The following DCAF1 variants were observed in gnomAD, a reference collection of about 807,000 sequenced individuals.
DCAF1 encodes DDB1 and CUL4 associated factor 1.
Under a neutral mutation model 128.0 loss-of-function variants are expected in DCAF1, and 15 were observed. The observed-to-expected ratio is 0.12, with a 90% CI of 0.08 to 0.18. The LOEUF (loss-of-function observed/expected upper bound fraction) is 0.18, where lower values mean the gene tolerates loss of function less well. Among genes scored for constraint, DCAF1 ranks in the 10% least tolerant of loss-of-function variants. The pLI, the probability that DCAF1 is intolerant of heterozygous loss-of-function variation, is 1.00. For missense variants in DCAF1, 988 were observed against 1,649.5 expected (o/e 0.60, Z 6.95); for synonymous variants, 610 against 603.0 (o/e 1.01, Z -0.17).
intron 17 of DCAF1, among the ~76,000 whole-genome samples, chr3:51,417,216 G>A (rs558897400): frequency 3.3e-5 from 5 of 152,102 alleles, no homozygotes; most frequent in South Asian, 4.2e-4. Context: ...TCAGGAGTTC[G>A]AGACCACCCT....
At chr3:51,455,050 C>A in intron 6 of DCAF1, among the ~76,000 whole-genome samples, 1 of 152,186 alleles carries the variant, frequency 6.6e-6, no homozygotes, top group East Asian at 1.9e-4. Context: ...GTCTTCCTAA[C>A]ACTTACTCTT....
At chr3:51,504,303 TG>T (rs1226298146), upstream of DCAF1, among the ~76,000 whole-genome samples, 4 of 152,070 alleles carry the variant, frequency 2.6e-5, no homozygotes, top group African/African-American at 9.7e-5. Flanking sequence ...CCCAAAATGC[TG>T]GGATTACAGG....
At chr3:51,501,159 TA>T (rs1488139398), upstream of DCAF1, among the ~76,000 whole-genome samples, 2 of 152,214 alleles carry the variant, frequency 1.3e-5, no homozygotes, top group Admixed American at 6.5e-5. Context: ...AATCAATAGA[TA>T]CTTATTGCCA....
At chr3:51,471,853 G>C (rs1483890958) in intron 3 of DCAF1, among the ~76,000 whole-genome samples, 1 of 151,744 alleles carries the variant, frequency 6.6e-6, no homozygotes, top group Non-Finnish European at 1.5e-5. Flanking sequence ...CGGGCAACAA[G>C]AGTGAAACTC....
chr3:51,483,061 C>G (rs1706434738), intron 3 of DCAF1, among the ~76,000 whole-genome samples: 1 of 151,150 alleles, frequency 6.6e-6, no homozygotes, highest in Non-Finnish European at 1.5e-5. Context: ...ATTGCTTGAA[C>G]CCAGGAGGCG....
At chr3:51,410,290 C>T (rs188016709) in intron 23 of DCAF1, among the ~76,000 whole-genome samples, 87 of 152,334 alleles carry the variant, frequency 5.7e-4, no homozygotes, top group Middle Eastern at 3.4e-3. Flanking sequence ...TCTCGGGCCT[C>T]TAATAAAATG....
chr3:51,488,092 T>G (rs1445963429), intron 2 of DCAF1, among the ~76,000 whole-genome samples: 1 of 151,994 alleles, frequency 6.6e-6, no homozygotes, highest in Non-Finnish European at 1.5e-5. Flanking sequence ...CTTGAACTCC[T>G]GACCTCACAC....
At chr3:51,431,549 G>C (rs1360585626) in intron 10 of DCAF1, among the ~76,000 whole-genome samples, 1 of 150,080 alleles carries the variant, frequency 6.7e-6, no homozygotes, top group Non-Finnish European at 1.5e-5. Context: ...GATTATATAT[G>C]AAAGAGTCTT....
intron 3 of DCAF1, among the ~76,000 whole-genome samples, chr3:51,476,595 A>G (rs1290638022): frequency 2.6e-5 from 3 of 117,612 alleles, no homozygotes; most frequent in African/African-American, 6.4e-5. Context: ...AAAAAAAAAA[A>G]GGCCAGGCGT....
chr3:51,433,027 G>C, intron 10 of DCAF1, 79 bp downstream of exon 10: 1 of 397,568 alleles, frequency 2.5e-6, no homozygotes, highest in Non-Finnish European at 4.4e-6. Context: ...TTATCCAAAA[G>C]TCATTCTGCG....
intron 15 of DCAF1, among the ~76,000 whole-genome samples, chr3:51,419,508 G>C (rs535507619): frequency 1.3e-5 from 2 of 152,258 alleles, no homozygotes; most frequent in Admixed American, 6.5e-5. Context: ...GTGGGTTCTA[G>C]AAAACATACT....
intron 2 of DCAF1, among the ~76,000 whole-genome samples, chr3:51,485,941 G>A (rs1706898117): frequency 6.6e-6 from 1 of 150,544 alleles, no homozygotes; most frequent in Non-Finnish European, 1.5e-5. Flanking sequence ...CGCCAGGCTG[G>A]AGCGCAGTGG....
At chr3:51,414,457 G>GC (rs1263406287) in intron 19 of DCAF1, among the ~76,000 whole-genome samples, 167 bp downstream of exon 19, 1 of 152,170 alleles carries the variant, frequency 6.6e-6, no homozygotes, top group Admixed American at 6.5e-5. Flanking sequence ...ACTAACATTG[G>GC]CAACAGTGCT....
intron 24 of DCAF1, among the ~76,000 whole-genome samples, chr3:51,402,548 C>T (rs1553625216): frequency 6.8e-6 from 1 of 146,678 alleles, no homozygotes; most frequent in African/African-American, 2.5e-5. Context: ...GCAACAAAGG[C>T]CATATACCCT....
intron 2 of DCAF1, 46 bp from the exon 3 acceptor site, chr3:51,483,882 C>T (rs1706584122): frequency 1.5e-6 from 2 of 1,337,548 alleles, no homozygotes; most frequent in African/African-American, 2.9e-5. Flanking sequence ...AATAAATGAA[C>T]ACAAGCAAAT....
At chr3:51,437,266 C>CAAAAAAAAAAAAAAAA in intron 9 of DCAF1, 3 of 256,598 alleles carry the variant, frequency 1.2e-5, no homozygotes, top group Non-Finnish European at 2.1e-5. Flanking sequence ...GACTCCATGT[C>CAAAAAAAAAAAAAAAA]AAAAAAAAAA....
chr3:51,498,489 A>G (rs967763437), intron 1 of DCAF1, among the ~76,000 whole-genome samples: 76 of 152,118 alleles, frequency 5.0e-4, no homozygotes, highest in African/African-American at 1.8e-3. Context: ...TGTAATTCCA[A>G]CACTTCGGGA....
At chr3:51,429,148 T>C in intron 12 of DCAF1, 113 bp downstream of exon 12, 1 of 666,488 alleles carries the variant, frequency 1.5e-6, no homozygotes, top group Non-Finnish European at 2.8e-6. Flanking sequence ...CAGGGAAGTA[T>C]ACTCCAACAA....
intron 9 of DCAF1, 114 bp from the exon 10 acceptor site, chr3:51,433,378 C>T (rs1398859768): frequency 1.3e-5 from 5 of 396,156 alleles, no homozygotes; most frequent in East Asian, 7.2e-5. Context: ...AGACAACCAA[C>T]CCCTCACAAA....
Sources: gnomAD v4.1 joint callset for allele counts (sites outside exome capture counted in the v4.1 genomes callset) on GRCh38, gnomAD v4.1.1 for gene constraint, MANE v1.5 for transcripts, NCBI Gene and HGNC (gene_info 2026-07-23, HGNC 2026-07-21) for gene names.